Variants in MPHOSPH8 observed in about 807,000 individuals in gnomAD.
MPHOSPH8 encodes M-phase phosphoprotein 8, also known as M-phase phosphoprotein, mpp.
MPHOSPH8 carries 45 observed loss-of-function variants against 87.3 expected under a neutral mutation model. The ratio of observed to expected loss-of-function variants is 0.52; its 90% CI spans 0.41 to 0.66. The LOEUF (loss-of-function observed/expected upper bound fraction) is 0.66, where lower values mean the gene tolerates loss of function less well. Among genes scored for constraint, MPHOSPH8 ranks in the 30% least tolerant of loss-of-function variants. The pLI, the probability that MPHOSPH8 is intolerant of heterozygous loss-of-function variation, is 0.00. For synonymous variants in MPHOSPH8, 366 were observed against 376.9 expected (o/e 0.97, Z 0.33); for missense variants, 883 against 1,020.2 (o/e 0.87, Z 1.83).
At chr13:19,666,391 CTAAG>C in intron 9 of MPHOSPH8, 30 bp from the exon 10 acceptor site, 1 of 1,578,948 alleles carries the variant, frequency 6.3e-7, no homozygotes, top group Non-Finnish European at 8.7e-7. Flanking sequence ...CAGTTTACAG[CTAAG>C]TAATTGTTAC....
intron 1 of MPHOSPH8, among the ~76,000 whole-genome samples, chr13:19,639,519 C>T (rs554610859): frequency 1.3e-5 from 2 of 151,944 alleles, no homozygotes; most frequent in Non-Finnish European, 2.9e-5. Context: ...CCATGTTGGT[C>T]AGGGTGGTCT....
intron 1 of MPHOSPH8, among the ~76,000 whole-genome samples, chr13:19,639,560 C>T (rs1359443155): frequency 5.9e-5 from 9 of 151,984 alleles, no homozygotes; most frequent in African/African-American, 1.9e-4. Context: ...CCACCTGCCT[C>T]GGCCTCCCAA....
intron 9 of MPHOSPH8, 108 bp downstream of exon 9, chr13:19,663,234 C>G (rs1875643455): frequency 5.1e-6 from 5 of 975,802 alleles, no homozygotes; most frequent in Non-Finnish European, 8.0e-6. Flanking sequence ...AGAGTGGGTA[C>G]CAAGACAGTC....
chr13:19,672,724 T>A lies in MPHOSPH8; in HGVS notation c.*849T>A, dbSNP rs1876205176. Reference sequence around the variant, plus strand: ...GTAAATATGCTGTAGTCACTTATCATCTTTTCAAAGGGTAACAAGAGAATC... The same window carrying A: ...GTAAATATGCTGTAGTCACTTATCAACTTTTCAAAGGGTAACAAGAGAATC... On this transcript the variant is annotated 3_prime_UTR_variant, in exon 14 of 14. Coordinates refer to ENST00000361479, the MANE Select transcript of MPHOSPH8 (RefSeq NM_017520.4). The A allele has an allele frequency of 6.1e-6, 1 of 163,906 alleles. No homozygotes were observed. The highest frequency in any genetic ancestry group is 1.7e-4 in the East Asian group (1 of 5,984). 10.2% of individuals were successfully genotyped at this position (163,906 alleles called of 1,614,324 possible). A position where few individuals can be genotyped will look rare whatever the true frequency, so the allele number is the denominator to read the frequency against.
At position 19,673,234 on chromosome 13, in the gene MPHOSPH8, T is replaced by G. The variant is rs569085286; in HGVS notation, c.*1359T>G. On this transcript the variant is annotated 3_prime_UTR_variant, in exon 14 of 14. Transcript: ENST00000361479. The stretch of plus-strand genomic sequence containing the variant: ...CCTCTCTGGGAAGAGTTCCTGCTTC[T>G]GTATGGCAAGCATAAATCAAGCTCA... 4.8e-6 allele frequency: 2 copies of G among 419,622 alleles called. No individual in the cohort carries two copies. The highest frequency in any genetic ancestry group is 1.7e-5 in the South Asian group (1 of 57,524). 26.0% of individuals were successfully genotyped at this position (419,622 alleles called of 1,614,324 possible).
intron 5 of MPHOSPH8, among the ~76,000 whole-genome samples, chr13:19,655,191 A>G (rs756057601): frequency 2.0e-5 from 3 of 152,236 alleles, no homozygotes; most frequent in Non-Finnish European, 4.4e-5. Context: ...CTTTAGCAAC[A>G]TAAGCCAGGC....
chr13:19,671,827 T>A lies in MPHOSPH8; in HGVS notation c.2542-7T>A. ...GTACTGACACCTGCGTTCTTTTCTT[T>A]CAACAGGTTAAGTTGCTAATAGGTG... is the stretch of plus-strand genomic sequence containing the variant. On this transcript the variant is annotated splice_region_variant and splice_polypyrimidine_tract_variant and intron_variant, in intron 13 of 13. Coordinates refer to ENST00000361479, the MANE Select transcript of MPHOSPH8 (RefSeq NM_017520.4). 6.2e-7 allele frequency: 1 copy of A among 1,614,102 alleles called. No homozygotes were observed. Among genetic ancestry groups the A allele is most frequent in the South Asian group, 1.1e-5 (1 of 91,086 alleles).
intron 1 of MPHOSPH8, among the ~76,000 whole-genome samples, chr13:19,641,877 G>T (rs1178713165): frequency 6.6e-6 from 1 of 151,934 alleles, no homozygotes; most frequent in Non-Finnish European, 1.5e-5. Context: ...CAAGCAGTCT[G>T]CCCACCTTGA....
rs375121374 is a variant in MPHOSPH8, at chr13:19,659,111, A to G, written c.1693A>G (p.Ile565Val). ...KDENFAATDA[I>V]PSNVLRDAVK... The stretch of plus-strand genomic sequence containing the variant: ...TGAGAATTTTGCTGCAACAGATGCA[A>G]TTCCAAGTAGTGAGTAGTTTTGGAA... The change falls in exon 6 of 14, where the codon ATT becomes GTT. Residue 565 changes from isoleucine (I) to valine (V), a missense_variant. By Grantham distance (29) the Ile-to-Val change is conservative. Around this residue, in one of 3 missense-constraint regions of MPHOSPH8, gnomAD observed 741 missense variants for 841.5 expected, o/e 0.88. Coordinates refer to ENST00000361479, the MANE Select transcript of MPHOSPH8 (RefSeq NM_017520.4). The G allele has an allele frequency of 1.4e-5, 22 of 1,613,834 alleles. No individual in the cohort carries two copies. The African/African-American group carries it at 2.5e-4, about 19-fold the overall frequency.
At position 19,671,895 on chromosome 13, in the gene MPHOSPH8, C is replaced by T. The variant is rs372284464; in HGVS notation, c.*20C>T. 41 of 1,612,172 alleles carry T rather than the reference C, an allele frequency of 2.5e-5. No individual in the cohort carries two copies. Among genetic ancestry groups the T allele is most frequent in the East Asian group, 4.5e-5 (2 of 44,880 alleles). On this transcript the variant is annotated 3_prime_UTR_variant, in exon 14 of 14. Transcript: ENST00000361479. ...CAGTGACCAAACAGAAGGGACTGGG[C>T]GGAGTTCTCTTCAGACCGATTCCTA...
chr13:19,638,642 CT>C (rs369792940), intron 1 of MPHOSPH8, among the ~76,000 whole-genome samples: 945 of 151,564 alleles, frequency 6.2e-3, no homozygotes, highest in Non-Finnish European at 9.4e-3. Context: ...TGAATTTGTT[CT>C]TTTTCTGATA....
intron 12 of MPHOSPH8, chr13:19,670,752 C>A: frequency 8.4e-7 from 1 of 1,193,872 alleles, no homozygotes; most frequent in Non-Finnish European, 1.1e-6. Context: ...TGGGGGCATT[C>A]TAATCCAGTT....
chr13:19,663,144 G>T lies in MPHOSPH8; in HGVS notation c.2019+18G>T, dbSNP rs748669683. 9 of 1,600,554 alleles carry T rather than the reference G, an allele frequency of 5.6e-6. No individual in the cohort carries two copies. The African/African-American group carries it at 8.0e-5, about 14-fold the overall frequency. On this transcript the variant is annotated intron_variant, in intron 9 of 13. Transcript: ENST00000361479. ...TGATGAAGGTAAATCCCTCCTGCAG[G>T]TCATCCCTTTCTTCACTACGTTGGC...
rs199522565 is a variant in MPHOSPH8 at position 19,659,028 on chromosome 13, A to G, written c.1610A>G (p.Asp537Gly). 39 of 1,614,000 alleles carry G rather than the reference A, an allele frequency of 2.4e-5. No individual in the cohort carries two copies. Among genetic ancestry groups the G allele is most frequent in the Non-Finnish European group, 7.6e-6 (9 of 1,180,028 alleles). ...GRQQILSLGM[D>G]LQLEWMKLED... ...CAGCAGATTCTGAGTTTGGGCATGG[A>G]CCTGCAGTTGGAATGGATGAAGTTG... is the stretch of plus-strand genomic sequence containing the variant. Residue 537 changes from aspartate (D) to glycine (G), a missense_variant, in exon 6 of 14, where the codon GAC becomes GGC. Asp to Gly is a moderately conservative substitution (Grantham distance 94, BLOSUM62 -1). Around this residue, in one of 3 missense-constraint regions of MPHOSPH8, gnomAD observed 741 missense variants for 841.5 expected, o/e 0.88. Transcript: ENST00000361479.
intron 1 of MPHOSPH8, among the ~76,000 whole-genome samples, chr13:19,641,020 A>G (rs1327942321): frequency 6.6e-6 from 1 of 152,196 alleles, no homozygotes; most frequent in Non-Finnish European, 1.5e-5. Context: ...GTATCCATTT[A>G]TTATTTGGTT....
chr13:19,654,575 TA>T (rs1325111834), intron 5 of MPHOSPH8, among the ~76,000 whole-genome samples: 21 of 152,178 alleles, frequency 1.4e-4, no homozygotes, highest in African/African-American at 5.1e-4. Flanking sequence ...AAAGTCGCTC[TA>T]AAAATAGACA....
intron 4 of MPHOSPH8, among the ~76,000 whole-genome samples, chr13:19,648,888 C>G (rs1293101191): frequency 6.6e-6 from 1 of 151,946 alleles, no homozygotes; most frequent in Non-Finnish European, 1.5e-5. Context: ...CTTTATATTT[C>G]TTGAAAACAA....
chr13:19,666,619 C>T (rs372815226), intron 10 of MPHOSPH8, 40 bp downstream of exon 10: 2 of 1,528,040 alleles, frequency 1.3e-6, no homozygotes, highest in Non-Finnish European at 1.8e-6. Context: ...AGTCACATAT[C>T]ATACATCTGT....
chr13:19,660,674 C>T (rs1875476047), intron 7 of MPHOSPH8, among the ~76,000 whole-genome samples: 1 of 152,128 alleles, frequency 6.6e-6, no homozygotes, highest in African/African-American at 2.4e-5. Context: ...TTGCACATTT[C>T]CTATAGATGT....
Sources: gnomAD v4.1 joint callset for allele counts (sites outside exome capture counted in the v4.1 genomes callset) on GRCh38, gnomAD v4.1.1 for gene constraint, gnomAD v4.1.1 regional missense constraint, MANE v1.5 for transcripts, NCBI Gene and HGNC (gene_info 2026-07-23, HGNC 2026-07-21) for gene names.